The following SOX6 variants were observed in gnomAD, a reference collection of about 807,000 sequenced individuals.
SOX6 encodes the protein SRY-box transcription factor 6, also known as transcription factor SOX-6.
In SOX6, 11 loss-of-function variants were observed where a neutral mutation model predicts 97.8. The ratio of observed to expected loss-of-function variants is 0.11; its 90% CI spans 0.07 to 0.19. SOX6 has a LOEUF of 0.19. Among genes scored for constraint, SOX6 ranks in the 10% least tolerant of loss-of-function variants. SOX6 has a pLI of 1.00. For missense variants in SOX6, 810 were observed against 1,039.5 expected, an observed-to-expected ratio of 0.78 and a Z score of 3.04; for synonymous variants, 360 against 371.4, an observed-to-expected ratio of 0.97 and a Z score of 0.35.
intron 15 of SOX6, among the ~76,000 whole-genome samples, chr11:15,980,408 G>A (rs760992022): frequency 1.1e-4 from 17 of 151,978 alleles, no homozygotes; most frequent in Non-Finnish European, 1.2e-4. Flanking sequence ...CTTCTATGTT[G>A]CAACTAATTC....
At chr11:16,364,872 T>C (rs1857311137) in intron 1 of SOX6, among the ~76,000 whole-genome samples, 1 of 152,126 alleles carries the variant, frequency 6.6e-6, no homozygotes, top group Non-Finnish European at 1.5e-5. Flanking sequence ...TTTGACAAGC[T>C]GTTCAAATTA....
chr11:16,706,243 C>T (rs1184842703), intron 3 of SOX6, among the ~76,000 whole-genome samples: 1 of 149,308 alleles, frequency 6.7e-6, no homozygotes, highest in African/African-American at 2.5e-5. Context: ...AGTTTGAGAC[C>T]AGCCTGGACA....
intron 4 of SOX6, among the ~76,000 whole-genome samples, chr11:16,220,778 C>T (rs772759401): frequency 2.0e-5 from 3 of 151,926 alleles, no homozygotes; most frequent in African/African-American, 4.8e-5. Context: ...TGTTTTTTAA[C>T]CACTTTTCAG....
intron 6 of SOX6, among the ~76,000 whole-genome samples, chr11:16,123,393 C>G (rs1849539176): frequency 6.6e-6 from 1 of 151,950 alleles, no homozygotes; most frequent in Admixed American, 6.6e-5. Flanking sequence ...CTATTGACAG[C>G]TGGGGCTCAG....
At chr11:16,672,302 T>C (rs775039990) in intron 3 of SOX6, among the ~76,000 whole-genome samples, 3 of 152,144 alleles carry the variant, frequency 2.0e-5, no homozygotes, top group Non-Finnish European at 4.4e-5. Flanking sequence ...ATATCAATAC[T>C]AACCTAAAAT....
At chr11:16,129,395 T>C (rs1849685131) in intron 6 of SOX6, among the ~76,000 whole-genome samples, 1 of 152,160 alleles carries the variant, frequency 6.6e-6, no homozygotes, top group African/African-American at 2.4e-5. Context: ...GTGACATACA[T>C]TAAAATCTTC....
At chr11:16,265,492 A>T (rs1854055882) in intron 3 of SOX6, among the ~76,000 whole-genome samples, 1 of 151,848 alleles carries the variant, frequency 6.6e-6, no homozygotes, top group African/African-American at 2.4e-5. Flanking sequence ...GACAAAGCCT[A>T]AGAATATTTA....
Position 16,340,919 on chromosome 11 carries a change from T to C in SOX6, c.237+93A>G. ...GTTTCATGATCTACACAAAAATAAC[T>C]CTAAGGTCATCTATTTCCCTAAAAT... On this transcript the variant is annotated intron_variant, in intron 2 of 15. Coordinates refer to ENST00000683767, the MANE Select transcript of SOX6 (RefSeq NM_001367873.1). The C allele has an allele frequency of 1.9e-6, 3 of 1,560,040 alleles. No individual in the cohort carries two copies. In the South Asian group the frequency reaches 3.4e-5, roughly 18 times the overall value.
chr11:16,299,596 A>G (rs1391103389), intron 3 of SOX6, among the ~76,000 whole-genome samples: 2 of 152,202 alleles, frequency 1.3e-5, no homozygotes, highest in African/African-American at 4.8e-5. Flanking sequence ...AGGAGAGAGA[A>G]CAGGAAATTG....
At chr11:16,518,790 A>T (rs1425319451) in intron 4 of SOX6, among the ~76,000 whole-genome samples, 2 of 152,208 alleles carry the variant, frequency 1.3e-5, no homozygotes, top group African/African-American at 4.8e-5. Context: ...AAAAACGTAA[A>T]TAAGCTGTAC....
intron 1 of SOX6, among the ~76,000 whole-genome samples, chr11:16,367,737 C>T (rs1010248762): frequency 3.9e-5 from 6 of 152,072 alleles, no homozygotes; most frequent in African/African-American, 1.4e-4. Flanking sequence ...ATCAAAATGG[C>T]GCAATGGCTA....
chr11:16,097,423 T>C (rs1186752204), intron 8 of SOX6, among the ~76,000 whole-genome samples, 186 bp downstream of exon 8: 1 of 151,874 alleles, frequency 6.6e-6, no homozygotes. Context: ...TCTTTTCCTT[T>C]AAAAATATTG....
At chr11:16,306,627 C>CTTTTTTTTTTTTTTTT (rs529819628) in intron 3 of SOX6, among the ~76,000 whole-genome samples, 1 of 106,452 alleles carries the variant, frequency 9.4e-6, no homozygotes, top group Non-Finnish European at 1.9e-5. Context: ...TTTTTTTTTT[C>CTTTTTTTTTTTTTTTT]TTTTTTTTTT....
intron 1 of SOX6, among the ~76,000 whole-genome samples, chr11:16,366,690 T>C (rs1857367359): frequency 6.6e-6 from 1 of 152,304 alleles, no homozygotes; most frequent in South Asian, 2.1e-4. Context: ...GAAAACTTAC[T>C]ACTCAAAGTG....
At chr11:16,361,393 T>C (rs1043142148), upstream of SOX6, among the ~76,000 whole-genome samples, 4 of 152,166 alleles carry the variant, frequency 2.6e-5, no homozygotes, top group African/African-American at 9.7e-5. Context: ...ACTTCTGCTA[T>C]AAACACTGGA....
intron 2 of SOX6, among the ~76,000 whole-genome samples, chr11:16,720,421 T>C (rs1332515936): frequency 2.2e-5 from 3 of 137,962 alleles, no homozygotes; most frequent in East Asian, 2.1e-4. Flanking sequence ...GAAATCATCA[T>C]TCTCAGTAAA....
chr11:16,287,751 A>G (rs937988680), intron 3 of SOX6, among the ~76,000 whole-genome samples: 15 of 152,086 alleles, frequency 9.9e-5, no homozygotes, highest in African/African-American at 2.9e-4. Context: ...TAACTTAACA[A>G]AGACCCAGAG....
chr11:16,503,263 A>AG (rs1307386165), intron 4 of SOX6, among the ~76,000 whole-genome samples: 3 of 152,114 alleles, frequency 2.0e-5, no homozygotes, highest in Admixed American at 6.5e-5. Context: ...ATGAAAAAAA[A>AG]AAAACATGAA....
chr11:16,438,774 G>A (rs948172254), intron 1 of SOX6, among the ~76,000 whole-genome samples: 3 of 151,898 alleles, frequency 2.0e-5, no homozygotes, highest in East Asian at 1.9e-4. Flanking sequence ...GGGCACAAAG[G>A]AGAAGTCCAT....
Sources: gnomAD v4.1 joint callset for allele counts (sites outside exome capture counted in the v4.1 genomes callset) on GRCh38, gnomAD v4.1.1 for gene constraint, MANE v1.5 for transcripts, NCBI Gene and HGNC (gene_info 2026-07-23, HGNC 2026-07-21) for gene names.